RALGPS1: variants seen among roughly 807,000 people sequenced by gnomAD.
RALGPS1 encodes Ral GEF with PH domain and SH3 binding motif 1.
In RALGPS1, 19 loss-of-function variants were observed where a neutral mutation model predicts 78.8. The ratio of observed to expected loss-of-function variants is 0.24; its 90% CI spans 0.17 to 0.35. RALGPS1 has a LOEUF of 0.35. Ranked by LOEUF, RALGPS1 falls within the 10% of genes least tolerant of loss-of-function variation. The pLI is 1.00. For synonymous variants in RALGPS1, 228 were observed against 256.3 expected, an observed-to-expected ratio of 0.89 and a Z score of 1.06; for missense variants, 454 against 688.3, an observed-to-expected ratio of 0.66 and a Z score of 3.81.
chr9:127,213,115 G>A, intron 17 of RALGPS1, 66 bp downstream of exon 17: 1 of 1,591,966 alleles, frequency 6.3e-7, no homozygotes, highest in Non-Finnish European at 8.5e-7. Context: ...TGCACAGCGT[G>A]CATTTTGAAA....
At chr9:126,951,437 G>A (rs1325160887) in intron 1 of RALGPS1, among the ~76,000 whole-genome samples, 8 of 150,772 alleles carry the variant, frequency 5.3e-5, no homozygotes, top group Non-Finnish European at 1.0e-4. Flanking sequence ...CTGGCAAACC[G>A]AATCCAGCAG....
intron 8 of RALGPS1, among the ~76,000 whole-genome samples, chr9:127,124,368 C>T (rs1373123709): frequency 1.3e-5 from 2 of 151,938 alleles, no homozygotes; most frequent in African/African-American, 2.4e-5. Flanking sequence ...GAGCATCAGC[C>T]GCAGACACGT....
intron 8 of RALGPS1, among the ~76,000 whole-genome samples, chr9:127,127,191 C>G (rs2138041277): frequency 6.6e-6 from 1 of 152,302 alleles, no homozygotes; most frequent in African/African-American, 2.4e-5. Flanking sequence ...TCCCATCTTC[C>G]CAGACAGTAG....
chr9:126,954,063 C>G (rs2038117903), intron 1 of RALGPS1, among the ~76,000 whole-genome samples: 1 of 152,198 alleles, frequency 6.6e-6, no homozygotes, highest in Non-Finnish European at 1.5e-5. Flanking sequence ...TCTCATTCAT[C>G]CTTTAAGACC....
chr9:127,103,036 C>T (rs2136910509), intron 8 of RALGPS1, among the ~76,000 whole-genome samples: 1 of 152,356 alleles, frequency 6.6e-6, no homozygotes, highest in East Asian at 1.9e-4. Context: ...TTCTCCACCT[C>T]TCTGCAGTGC....
chr9:127,020,599 A>T (rs2134154327), intron 4 of RALGPS1, among the ~76,000 whole-genome samples: 1 of 152,376 alleles, frequency 6.6e-6, no homozygotes, highest in Admixed American at 6.5e-5. Flanking sequence ...CAGGAATTCT[A>T]AAAAGGAAGG....
intron 8 of RALGPS1, among the ~76,000 whole-genome samples, chr9:127,120,119 C>T (rs2055893256): frequency 6.6e-6 from 1 of 152,196 alleles, no homozygotes; most frequent in African/African-American, 2.4e-5. Flanking sequence ...TGGTGATGGC[C>T]ATTCCTTGCC....
At chr9:127,159,510 C>T (rs551501483) in intron 8 of RALGPS1, among the ~76,000 whole-genome samples, 1 of 152,362 alleles carries the variant, frequency 6.6e-6, no homozygotes, top group African/African-American at 2.4e-5. Context: ...CTGCCCCCTT[C>T]TGCAGACCGA....
At chr9:126,953,374 C>T (rs921789396) in intron 1 of RALGPS1, among the ~76,000 whole-genome samples, 3 of 150,060 alleles carry the variant, frequency 2.0e-5, no homozygotes, top group Non-Finnish European at 4.4e-5. Flanking sequence ...CACGTGCATG[C>T]GTGTGTGTGT....
At chr9:127,094,013 G>C in intron 8 of RALGPS1, 7 of 1,472,212 alleles carry the variant, frequency 4.8e-6, no homozygotes, top group Non-Finnish European at 6.5e-6. Context: ...CACAACCTCT[G>C]TTGAGGCTCC....
intron 7 of RALGPS1, among the ~76,000 whole-genome samples, chr9:127,061,990 A>C (rs907570543): frequency 6.6e-6 from 1 of 152,214 alleles, no homozygotes; most frequent in African/African-American, 2.4e-5. Flanking sequence ...ACATTATTAG[A>C]AATAAATGAG....
intron 4 of RALGPS1, chr9:126,990,249 T>C: frequency 2.0e-6 from 1 of 492,042 alleles, no homozygotes. Flanking sequence ...TCTCAGACCA[T>C]CTCTCTCTGC....
intron 1 of RALGPS1, among the ~76,000 whole-genome samples, chr9:126,959,765 G>GGCGGAGGCAGGAGAA (rs2038702752): frequency 6.6e-6 from 1 of 152,090 alleles, no homozygotes; most frequent in East Asian, 1.9e-4. Context: ...TTTAACCTAA[G>GGCGGAGGCAGGAGAA]TTTTAAACTC....
At chr9:127,111,716 A>G (rs1431992672) in intron 8 of RALGPS1, among the ~76,000 whole-genome samples, 1 of 152,214 alleles carries the variant, frequency 6.6e-6, no homozygotes, top group Non-Finnish European at 1.5e-5. Context: ...CTTTTAAGGT[A>G]GATACTGTTG....
In RALGPS1 at chr9:127,034,484, C is replaced by T. The variant is rs534223036; in HGVS notation, c.270C>T (p.Asn90=). 6.6e-5 allele frequency: 106 copies of T among 1,614,124 alleles called. No individual in the cohort carries two copies. Among genetic ancestry groups the T allele is most frequent in the Non-Finnish European group, 8.2e-5 (97 of 1,179,992 alleles). The change falls in exon 5 of 19, where the codon AAC becomes AAT. Residue 90 remains asparagine (N), a synonymous_variant. Coordinates refer to ENST00000259351, the MANE Select transcript of RALGPS1 (RefSeq NM_014636.3). ...SKKEKHSLAP[N]VVAFTRRFNQ... is the part of the protein sequence containing the mutation. ...AGGAGAAACACAGTCTTGCCCCTAA[C>T]GTTGTGGCCTTTACCCGGAGGTTTA...
intron 1 of RALGPS1, among the ~76,000 whole-genome samples, chr9:126,952,856 G>A (rs189040569): frequency 1.4e-3 from 219 of 152,236 alleles, no homozygotes; most frequent in Admixed American, 2.0e-3. Context: ...CAGAAAGGAG[G>A]AAGAGGCGGC....
intron 7 of RALGPS1, 86 bp from the exon 8 acceptor site, chr9:127,069,144 T>A: frequency 7.6e-7 from 1 of 1,322,788 alleles, no homozygotes; most frequent in East Asian, 2.3e-5. Flanking sequence ...TCACTTAGGA[T>A]TTTCCCTTTT....
At chr9:126,929,827 A>G (rs1462475559) in intron 1 of RALGPS1, among the ~76,000 whole-genome samples, 1 of 151,362 alleles carries the variant, frequency 6.6e-6, no homozygotes, top group African/African-American at 2.4e-5. Flanking sequence ...ATTGAGGGGA[A>G]GTGGCATTAG....
chr9:127,040,198 C>T (rs940861578), intron 5 of RALGPS1, among the ~76,000 whole-genome samples: 1 of 152,154 alleles, frequency 6.6e-6, no homozygotes, highest in African/African-American at 2.4e-5. Flanking sequence ...GTCAGGAGTT[C>T]AAGACCAGCC....
Sources: allele counts gnomAD v4.1 joint callset (sites outside exome capture counted in the v4.1 genomes callset), GRCh38; gene constraint gnomAD v4.1.1; transcripts MANE v1.5; gene names NCBI Gene and HGNC (gene_info 2026-07-23, HGNC 2026-07-21).